Variants in STXBP5L observed in about 807,000 individuals in gnomAD.
STXBP5L encodes the protein syntaxin binding protein 5L.
In STXBP5L, 65 loss-of-function variants were observed where a neutral mutation model predicts 144.5. The ratio of observed to expected loss-of-function variants is 0.45; its 90% CI spans 0.37 to 0.55. The LOEUF (loss-of-function observed/expected upper bound fraction) is 0.55. Among genes scored for constraint, STXBP5L ranks in the 20% least tolerant of loss-of-function variants. The probability of loss-of-function intolerance (pLI) is 0.00; values close to 1 mark genes in which losing one functional copy is unlikely to be tolerated. For missense variants in STXBP5L, 1,298 were observed against 1,405.5 expected (o/e 0.92, Z 1.22); for synonymous variants, 505 against 469.6 (o/e 1.08, Z -0.97).
intron 3 of STXBP5L, among the ~76,000 whole-genome samples, chr3:121,012,439 T>G (rs956065530): frequency 2.6e-5 from 4 of 151,838 alleles, no homozygotes; most frequent in Non-Finnish European, 4.4e-5. Context: ...CAGCAATGTG[T>G]TAGATCTTAA....
At chr3:121,230,630 A>G (rs2049275397) in intron 11 of STXBP5L, among the ~76,000 whole-genome samples, 1 of 152,148 alleles carries the variant, frequency 6.6e-6, no homozygotes, top group South Asian at 2.1e-4. Flanking sequence ...TGCTTAATTT[A>G]TGAATACTCA....
Position 121,422,426 on chromosome 3 carries a change from T to C in STXBP5L, c.*3329T>C, listed in dbSNP as rs927663314. On this transcript the variant is annotated 3_prime_UTR_variant, in exon 27 of 27. Transcript: ENST00000471454. The stretch of plus-strand genomic sequence containing the variant: ...GCCTTTTTAGTGTTACAGTAGAAAA[T>C]GGGCCTTTTCATTTATTCATCTGTG... 6.6e-6 allele frequency: 1 copy of C among 152,128 alleles called. No homozygotes were observed. The highest frequency in any genetic ancestry group is 1.5e-5 in the Non-Finnish European group (1 of 68,010). 9.4% of individuals were successfully genotyped at this position (152,128 alleles called of 1,614,324 possible).
intron 9 of STXBP5L, among the ~76,000 whole-genome samples, chr3:121,195,970 T>C (rs2047903100): frequency 6.6e-6 from 1 of 152,144 alleles, no homozygotes; most frequent in African/African-American, 2.4e-5. Flanking sequence ...TATTTTGAAA[T>C]CAGAAAGTGG....
chr3:121,003,592 A>G (rs1034440490), intron 3 of STXBP5L, among the ~76,000 whole-genome samples: 2 of 152,134 alleles, frequency 1.3e-5, no homozygotes, highest in Non-Finnish European at 2.9e-5. Flanking sequence ...TTTTGTTGCC[A>G]TTGCTTTTGG....
chr3:121,313,327 G>T (rs1457658900), intron 19 of STXBP5L, among the ~76,000 whole-genome samples: 1 of 137,962 alleles, frequency 7.2e-6, no homozygotes, highest in African/African-American at 2.8e-5. Context: ...GGACGGGGCG[G>T]CTGGCCGGGC....
chr3:121,415,805 A>T, intron 24 of STXBP5L, 52 bp from the exon 25 acceptor site: 2 of 1,273,768 alleles, frequency 1.6e-6, no homozygotes, highest in Admixed American at 1.9e-5. Context: ...CTTTTTGTAT[A>T]TTAATTGATT....
chr3:121,239,506 A>G (rs372095804), intron 13 of STXBP5L, among the ~76,000 whole-genome samples: 382 of 151,638 alleles, frequency 2.5e-3, no homozygotes, highest in Non-Finnish European at 3.9e-3. Flanking sequence ...TGGCACATAT[A>G]CACCATGGAA....
chr3:121,355,721 G>A (rs1445145801), intron 20 of STXBP5L, among the ~76,000 whole-genome samples: 1 of 152,128 alleles, frequency 6.6e-6, no homozygotes, highest in Non-Finnish European at 1.5e-5. Context: ...ATCCAGCTTT[G>A]TTCTGTTACT....
intron 5 of STXBP5L, among the ~76,000 whole-genome samples, chr3:121,076,408 T>C (rs2042020295): frequency 6.6e-6 from 1 of 152,216 alleles, no homozygotes; most frequent in South Asian, 2.1e-4. Context: ...TTTTCTGCTT[T>C]TTCTATGACT....
intron 9 of STXBP5L, among the ~76,000 whole-genome samples, chr3:121,185,687 T>G (rs921165518): frequency 3.9e-5 from 6 of 152,234 alleles, no homozygotes; most frequent in African/African-American, 1.4e-4. Context: ...GCCATACTGT[T>G]TTGGTTACTA....
At chr3:121,181,452 G>A (rs1164393635) in intron 9 of STXBP5L, among the ~76,000 whole-genome samples, 1 of 152,194 alleles carries the variant, frequency 6.6e-6, no homozygotes, top group Non-Finnish European at 1.5e-5. Flanking sequence ...CTCACCAACC[G>A]GCTGGGCGCA....
At chr3:121,037,039 A>T (rs534768138) in intron 3 of STXBP5L, among the ~76,000 whole-genome samples, 1 of 152,070 alleles carries the variant, frequency 6.6e-6, no homozygotes, top group South Asian at 2.1e-4. Flanking sequence ...CAATCCTCCC[A>T]CTTAAGCCTG....
intron 20 of STXBP5L, among the ~76,000 whole-genome samples, chr3:121,344,672 A>G (rs2044878091): frequency 6.6e-6 from 1 of 152,200 alleles, no homozygotes; most frequent in East Asian, 1.9e-4. Context: ...GGCAAAGAGG[A>G]GGTTAAAGTA....
intron 3 of STXBP5L, among the ~76,000 whole-genome samples, chr3:121,022,518 C>T (rs760370465): frequency 5.3e-5 from 8 of 152,242 alleles, no homozygotes; most frequent in Admixed American, 3.9e-4. Context: ...CAACAAAATA[C>T]TAGCTAACCG....
chr3:121,255,297 A>T (rs1476974973), intron 16 of STXBP5L, among the ~76,000 whole-genome samples, 185 bp downstream of exon 16: 3 of 152,096 alleles, frequency 2.0e-5, no homozygotes, highest in Admixed American at 6.5e-5. Flanking sequence ...TTGGCCTAAA[A>T]GGCCAAAACA....
intron 19 of STXBP5L, among the ~76,000 whole-genome samples, chr3:121,313,960 G>T (rs1241789423): frequency 1.3e-5 from 2 of 150,888 alleles, no homozygotes; most frequent in Admixed American, 6.6e-5. Context: ...TCCCAGACAG[G>T]GCGGTGGGGC....
chr3:121,352,182 C>T (rs189921707), intron 20 of STXBP5L, among the ~76,000 whole-genome samples: 1,545 of 152,072 alleles, frequency 0.01, 28 homozygotes, highest in African/African-American at 0.036. Context: ...TTTTTCGTTC[C>T]GTATGAACTT....
intron 5 of STXBP5L, among the ~76,000 whole-genome samples, chr3:121,060,057 A>G (rs1221383791): frequency 6.6e-6 from 1 of 152,128 alleles, no homozygotes; most frequent in Non-Finnish European, 1.5e-5. Flanking sequence ...GCTAGTTTTG[A>G]AAGGGAATGC....
intron 6 of STXBP5L, among the ~76,000 whole-genome samples, chr3:121,118,726 G>T (rs2044334972): frequency 6.6e-6 from 1 of 151,456 alleles, no homozygotes; most frequent in Admixed American, 6.6e-5. Flanking sequence ...TAGGAGTGGA[G>T]ATAAACCAAC....
Sources: allele counts gnomAD v4.1 joint callset (sites outside exome capture counted in the v4.1 genomes callset), GRCh38; gene constraint gnomAD v4.1.1; transcripts MANE v1.5; gene names NCBI Gene and HGNC (gene_info 2026-07-23, HGNC 2026-07-21).